The following ZNF492 variants were observed in gnomAD, a reference collection of about 807,000 sequenced individuals.
ZNF492 encodes the protein zinc finger protein 115 (Y20).
Under a neutral mutation model 6.4 loss-of-function variants are expected in ZNF492, and 3 were observed. The observed-to-expected ratio is 0.47, with a 90% CI of 0.21 to 1.22. ZNF492 has a LOEUF of 1.22. Among genes scored for constraint, ZNF492 ranks in the 50% most tolerant of loss-of-function variants. ZNF492 has a pLI of 0.22. For missense variants in ZNF492, 356 were observed against 612.5 expected, an observed-to-expected ratio of 0.58 and a Z score of 4.42; for synonymous variants, 112 against 205.3, an observed-to-expected ratio of 0.55 and a Z score of 3.89.
intron 1 of ZNF492, among the ~76,000 whole-genome samples, chr19:22,638,804 C>T (rs574809165): frequency 7.2e-5 from 11 of 152,000 alleles, no homozygotes; most frequent in African/African-American, 2.7e-4. Context: ...TCTGTAATTT[C>T]TTTGGCAGGA....
At chr19:22,639,566 C>T (rs111964597) in intron 1 of ZNF492, among the ~76,000 whole-genome samples, 10,531 of 151,758 alleles carry the variant, frequency 0.069, 881 homozygotes, top group African/African-American at 0.2. Flanking sequence ...CAAAATTAGC[C>T]GGGCGTGGTG....
At chr19:22,649,837 C>A (rs539932819) in intron 1 of ZNF492, among the ~76,000 whole-genome samples, 4 of 152,224 alleles carry the variant, frequency 2.6e-5, no homozygotes, top group Admixed American at 1.3e-4. Flanking sequence ...TTAGTGGCTC[C>A]TCTCGCTAAC....
rs1971959803 is a variant in ZNF492 at position 22,653,228 on chromosome 19, T to A, written c.-93-79T>A. The A allele has an allele frequency of 2.6e-6, 4 of 1,523,668 alleles. No individual in the cohort carries two copies. The African/African-American group carries it at 5.7e-5, about 22-fold the overall frequency. The allele number at this position is 1,523,668 out of a possible 1,614,324, so 94.4% of individuals were successfully genotyped here. ...AAGTAAGAACCAGTTCTCTTTACTC[T>A]TGTTTTACCTTGAGTCAAATTAAAA... On this transcript the variant is annotated intron_variant, in intron 1 of 3. Coordinates refer to ENST00000456783, the MANE Select transcript of ZNF492 (RefSeq NM_020855.3).
At chr19:22,643,414 G>A (rs1285222820) in intron 1 of ZNF492, among the ~76,000 whole-genome samples, 1 of 152,200 alleles carries the variant, frequency 6.6e-6, no homozygotes. Flanking sequence ...ATTTGTTCCA[G>A]AAGTAATTGT....
chr19:22,636,596 G>A (rs1250515597), intron 1 of ZNF492, among the ~76,000 whole-genome samples: 7 of 150,894 alleles, frequency 4.6e-5, no homozygotes, highest in South Asian at 2.1e-4. Flanking sequence ...ACAGTATTCC[G>A]TGATATTTAT....
chr19:22,661,312 G>T (rs78753018), intron 3 of ZNF492, among the ~76,000 whole-genome samples: 29,256 of 151,626 alleles, frequency 0.19, 3,669 homozygotes, highest in African/African-American at 0.36. Context: ...TTCAACTTAT[G>T]AGTGTTTAAA....
chr19:22,636,350 C>T (rs1412762053), intron 1 of ZNF492, among the ~76,000 whole-genome samples: 3 of 152,102 alleles, frequency 2.0e-5, no homozygotes, highest in East Asian at 3.9e-4. Flanking sequence ...CTGCCCGCCT[C>T]GGCCCAAAGT....
intron 1 of ZNF492, among the ~76,000 whole-genome samples, chr19:22,637,102 CTT>C (rs1238815805): frequency 6.7e-6 from 1 of 149,452 alleles, no homozygotes; most frequent in East Asian, 2.0e-4. Context: ...ATTACAGGCT[CTT>C]GCCACCACGC....
At chr19:22,638,841 T>C (rs202012019) in intron 1 of ZNF492, among the ~76,000 whole-genome samples, 1 of 100,626 alleles carries the variant, frequency 9.9e-6, no homozygotes, top group Non-Finnish European at 1.9e-5. Context: ...ATTGATCTTT[T>C]TTTGTTTGTT....
intron 3 of ZNF492, among the ~76,000 whole-genome samples, chr19:22,662,578 C>A (rs1972070168): frequency 6.6e-6 from 1 of 152,002 alleles, no homozygotes; most frequent in African/African-American, 2.4e-5. Flanking sequence ...TATTTCTCCA[C>A]ATCCTCTCCA....
At position 22,667,093 on chromosome 19, in the gene ZNF492, T is replaced by C. The variant is rs1972138105; in HGVS notation, c.*1828T>C. 6.6e-6 allele frequency: 1 copy of C among 152,224 alleles called. No individual in the cohort carries two copies. The highest frequency in any genetic ancestry group is 1.5e-5 in the Non-Finnish European group (1 of 68,096). The allele number at this position is 152,224 out of a possible 1,614,324, so 9.4% of individuals were successfully genotyped here. On this transcript the variant is annotated 3_prime_UTR_variant, in exon 4 of 4. Transcript: ENST00000456783. ...AAAATACAAAATTAGCCAGGCATGG[T>C]GGCGCATGCCTGTAATCCCAGCTAC...
At chr19:22,651,210 C>T (rs1018038310) in intron 1 of ZNF492, among the ~76,000 whole-genome samples, 3 of 151,982 alleles carry the variant, frequency 2.0e-5, no homozygotes, top group African/African-American at 7.3e-5. Context: ...GCTCTTTCTT[C>T]CTCTCTGTGG....
intron 1 of ZNF492, among the ~76,000 whole-genome samples, chr19:22,643,953 G>C (rs1380406751): frequency 6.6e-6 from 1 of 152,136 alleles, no homozygotes; most frequent in Admixed American, 6.6e-5. Context: ...GAAATTGCTG[G>C]CAGGGGAGGG....
At chr19:22,657,264 G>A (rs2361252) in intron 3 of ZNF492, among the ~76,000 whole-genome samples, 7 of 152,092 alleles carry the variant, frequency 4.6e-5, no homozygotes, top group Admixed American at 6.6e-5. Flanking sequence ...AATATGACAT[G>A]ATTTGTTCCC....
In ZNF492 at chr19:22,665,666, C is replaced by A. The variant is rs1972117596; in HGVS notation, c.*401C>A. ...TGTATTCATTCTGTATTAGAGCAAA[C>A]CCTGAGGCAATTGCTCAAACTTTGT... On this transcript the variant is annotated 3_prime_UTR_variant, in exon 4 of 4. Transcript: ENST00000456783. 2 of 162,704 alleles carry A rather than the reference C, an allele frequency of 1.2e-5. No individual in the cohort carries two copies. Among genetic ancestry groups the A allele is most frequent in the South Asian group, 3.4e-4 (2 of 5,892 alleles). The allele number at this position is 162,704 out of a possible 1,614,324, so 10.1% of individuals were successfully genotyped here. A position where few individuals can be genotyped will look rare whatever the true frequency, so the allele number is the denominator to read the frequency against.
At chr19:22,637,199 G>A (rs1971777640) in intron 1 of ZNF492, among the ~76,000 whole-genome samples, 1 of 151,524 alleles carries the variant, frequency 6.6e-6, no homozygotes, top group East Asian at 1.9e-4. Flanking sequence ...GGCTGGTCTC[G>A]AATTCCTGAC....
At chr19:22,649,203 G>A (rs1010691414) in intron 1 of ZNF492, among the ~76,000 whole-genome samples, 19 of 152,126 alleles carry the variant, frequency 1.2e-4, no homozygotes, top group African/African-American at 3.9e-4. Flanking sequence ...AGTTTGGCTC[G>A]ATATAAAATT....
At chr19:22,644,010 G>A (rs1971853547) in intron 1 of ZNF492, among the ~76,000 whole-genome samples, 1 of 151,508 alleles carries the variant, frequency 6.6e-6, no homozygotes, top group Non-Finnish European at 1.5e-5. Context: ...TATCTGTAGA[G>A]CAGCTCATTG....
In ZNF492 at chr19:22,653,430, G is replaced by A. The variant is rs569293451; in HGVS notation, c.31G>A (p.Val11Met). The A allele has an allele frequency of 1.8e-5, 29 of 1,613,682 alleles. No individual in the cohort carries two copies. The African/African-American group carries it at 2.3e-4, about 13-fold the overall frequency. The part of the protein sequence containing the change: MLENYRNLVF[V>M]GIAASKPDLI... ...AGAGAACTACAGAAACCTGGTCTTC[G>A]TGGGTGAGGATAACTTCAATATACA... The change falls in exon 2 of 4, where the codon GTG (valine) becomes ATG (methionine). Residue 11 changes from valine (V) to methionine (M), a missense_variant. By Grantham distance (21) the Val-to-Met change is conservative. Transcript: ENST00000456783.
Sources: allele counts gnomAD v4.1 joint callset (sites outside exome capture counted in the v4.1 genomes callset), GRCh38; gene constraint gnomAD v4.1.1; transcripts MANE v1.5; gene names NCBI Gene and HGNC (gene_info 2026-07-23, HGNC 2026-07-21).